The following ST6GAL2 variants were observed in gnomAD, a reference collection of about 807,000 sequenced individuals.
ST6GAL2 encodes ST6 beta-galactoside alpha-2,6-sialyltransferase 2.
ST6GAL2 carries 24 observed loss-of-function variants against 37.5 expected under a neutral mutation model. That is an observed-to-expected ratio of 0.64 (90% CI 0.46 to 0.90). The LOEUF (loss-of-function observed/expected upper bound fraction) is 0.90, where lower values mean the gene tolerates loss of function less well. Ranked by LOEUF, ST6GAL2 falls within the 40% of genes least tolerant of loss-of-function variation. The probability of loss-of-function intolerance (pLI) is 0.00; values close to 1 mark genes in which losing one functional copy is unlikely to be tolerated. For synonymous variants in ST6GAL2, 306 were observed against 295.1 expected (o/e 1.04, Z -0.38); for missense variants, 715 against 712.7 (o/e 1.00, Z -0.04).
At chr2:106,844,258 C>T (rs1289672685) in intron 1 of ST6GAL2, among the ~76,000 whole-genome samples, 1 of 151,880 alleles carries the variant, frequency 6.6e-6, no homozygotes, top group Non-Finnish European at 1.5e-5. Flanking sequence ...GGGATCTCAC[C>T]ATCTCAGGTG....
At chr2:106,846,089 G>A (rs1221271666) in intron 1 of ST6GAL2, among the ~76,000 whole-genome samples, 9 of 152,046 alleles carry the variant, frequency 5.9e-5, no homozygotes, top group South Asian at 4.1e-4. Flanking sequence ...TGTGAAGCGC[G>A]AAGAAGTCAT....
chr2:106,813,048 A>C (rs932907482), intron 5 of ST6GAL2: 2 of 1,229,412 alleles, frequency 1.6e-6, no homozygotes, highest in African/African-American at 3.1e-5. Flanking sequence ...AAGCCAATCA[A>C]ATGGGTATGG....
At chr2:106,879,103 T>C (rs894054867) in intron 1 of ST6GAL2, among the ~76,000 whole-genome samples, 6 of 152,164 alleles carry the variant, frequency 3.9e-5, no homozygotes, top group Non-Finnish European at 8.8e-5. Flanking sequence ...AGTCTAAAGC[T>C]TTCCTTTCAC....
At chr2:106,861,427 G>C (rs911530484) in intron 1 of ST6GAL2, among the ~76,000 whole-genome samples, 1 of 152,062 alleles carries the variant, frequency 6.6e-6, no homozygotes, top group African/African-American at 2.4e-5. Context: ...TTGTGTGTCT[G>C]TGTGTGTGGA....
At chr2:106,840,035 G>A (rs73949780) in intron 2 of ST6GAL2, among the ~76,000 whole-genome samples, 1 of 152,188 alleles carries the variant, frequency 6.6e-6, no homozygotes, top group African/African-American at 2.4e-5. Context: ...CAAACACCAG[G>A]GGGAGCGAAA....
rs1309383669 is a variant in ST6GAL2, at chr2:106,807,480, G to A, written c.1319-531C>T. 7.9e-5 allele frequency among the ~76,000 whole-genome samples: 12 copies of A among 152,288 alleles called. No homozygotes were observed. The East Asian group carries it at 2.3e-3, about 29-fold the overall frequency. On this transcript the variant is annotated intron_variant, in intron 5 of 5. Transcript: ENST00000409382. ...ATCAGCTCTTATACTATAGTTGTCT[G>A]AATGGAAAGAAATGGAGTTAAAGCG...
At chr2:106,858,114 G>A (rs879342749) in intron 1 of ST6GAL2, among the ~76,000 whole-genome samples, 6 of 152,152 alleles carry the variant, frequency 3.9e-5, no homozygotes, top group Admixed American at 3.3e-4. Context: ...TTGTATATGT[G>A]TGCATGTGTA....
intron 4 of ST6GAL2, among the ~76,000 whole-genome samples, 174 bp from the exon 5 acceptor site, chr2:106,830,414 AAGAC>A (rs1676374605): frequency 6.6e-6 from 1 of 152,192 alleles, no homozygotes; most frequent in Non-Finnish European, 1.5e-5. Context: ...GACAAGAACA[AAGAC>A]AGACCAGGGC....
intron 1 of ST6GAL2, among the ~76,000 whole-genome samples, chr2:106,862,551 C>T (rs1260828430): frequency 6.6e-6 from 1 of 152,026 alleles, no homozygotes; most frequent in Non-Finnish European, 1.5e-5. Context: ...TAAAAATGTT[C>T]TGGCTCTCTC....
intron 1 of ST6GAL2, among the ~76,000 whole-genome samples, chr2:106,849,870 G>A (rs1049512090): frequency 3.9e-5 from 6 of 152,068 alleles, no homozygotes; most frequent in African/African-American, 1.4e-4. Context: ...TTATAAACCC[G>A]CATTTCAAAA....
At chr2:106,834,773 A>G (rs1432646207) in intron 2 of ST6GAL2, 1 of 152,324 alleles carries the variant, frequency 6.6e-6, no homozygotes, top group African/African-American at 2.4e-5. Context: ...CTGCCAGACC[A>G]CCATAGCCCC....
Position 106,843,879 on chromosome 2 carries a change from G to C in ST6GAL2, c.99C>G (p.Ser33Arg), listed in dbSNP as rs146572697. ...FLLIFIYFTD[S>R]NPAEPVPSSL... The stretch of plus-strand genomic sequence containing the variant: ...AGCTGGGTACAGGCTCAGCGGGGTT[G>C]CTGTCGGTGAAGTAGATGAAAATCA... Residue 33 changes from serine (S) to arginine (R), a missense_variant, in exon 2 of 6, where the codon AGC becomes AGG. Physicochemically the swap from Ser to Arg is moderately radical, Grantham distance 110. Around this residue, in one of 3 missense-constraint regions of ST6GAL2, gnomAD observed 512 missense variants for 488.8 expected, o/e 1.05. Coordinates refer to ENST00000409382, the MANE Select transcript of ST6GAL2 (RefSeq NM_001142351.2). 1.8e-5 allele frequency: 29 copies of C among 1,608,920 alleles called. No individual in the cohort carries two copies. The highest frequency in any genetic ancestry group is 2.4e-5 in the Non-Finnish European group (28 of 1,179,540).
intron 2 of ST6GAL2, chr2:106,834,552 T>G (rs1676555439): frequency 6.4e-6 from 1 of 155,080 alleles, no homozygotes; most frequent in South Asian, 2.0e-4. Context: ...TGGTGTATGC[T>G]TAAAAAGAAA....
rs185648095 is a variant in ST6GAL2 at position 106,829,735 on chromosome 2, T to C, written c.1318+331A>G. 4.9e-4 allele frequency among the ~76,000 whole-genome samples: 74 copies of C among 152,234 alleles called. 2 individuals are homozygous for C. The highest frequency in any genetic ancestry group is 1.6e-3 in the African/African-American group (68 of 41,562). ...CCTTCCCTCCAAAGCCACCTGTTAATGGCTCTTACTATACAGGTGGAACAT... is the reference window on the plus strand; with the variant it reads ...CCTTCCCTCCAAAGCCACCTGTTAACGGCTCTTACTATACAGGTGGAACAT... On this transcript the variant is annotated intron_variant, in intron 5 of 5. Coordinates refer to ENST00000409382, the MANE Select transcript of ST6GAL2 (RefSeq NM_001142351.2).
In ST6GAL2 at chr2:106,843,154, C is replaced by T; in HGVS notation, c.824G>A (p.Gly275Asp). The T allele has an allele frequency of 6.4e-7, 1 of 1,563,122 alleles. No homozygotes were observed. The highest frequency in any genetic ancestry group is 1.2e-5 in the South Asian group (1 of 85,606). ...CACGGCGGGCACCAGGCGCCGCCAGCCCAGCGCAGAAAAGGGCGCCTCGGT... is the reference window on the plus strand; with the variant it reads ...CACGGCGGGCACCAGGCGCCGCCAGTCCAGCGCAGAAAAGGGCGCCTCGGT... ...DGTEAPFSAL[G>D]WRRLVPAVPL... Residue 275 changes from glycine to aspartate, a missense_variant, in exon 2 of 6, where the codon GGC becomes GAC. Physicochemically the swap from Gly to Asp is moderately conservative, Grantham distance 94 (BLOSUM62 -1). Transcript: ENST00000409382.
Position 106,806,700 on chromosome 2 carries a change from C to T in ST6GAL2, c.1568G>A (p.Ser523Asn), listed in dbSNP as rs1392084083. 2 of 1,614,098 alleles carry T rather than the reference C, an allele frequency of 1.2e-6. No homozygotes were observed. The highest frequency in any genetic ancestry group is 2.7e-5 in the African/African-American group (2 of 75,042). ...TTTTTAAGAGTGTGGAATGACTGGACTTGGTGCAGGGCAGTGCACCGCCTG... is the reference window on the plus strand; with the variant it reads ...TTTTTAAGAGTGTGGAATGACTGGATTTGGTGCAGGGCAGTGCACCGCCTG... ...GFQAVHCPAP[S>N]PVIPHS Residue 523 changes from serine (S) to asparagine (N), a missense_variant, in exon 6 of 6, where the codon AGT becomes AAT. Around this residue, in one of 3 missense-constraint regions of ST6GAL2, gnomAD observed 198 missense variants for 203.6 expected, o/e 0.97. Transcript: ENST00000409382.
Position 106,843,246 on chromosome 2 carries a change from G to C in ST6GAL2, c.732C>G (p.Ala244=). 6.3e-7 allele frequency: 1 copy of C among 1,589,268 alleles called. No homozygotes were observed. Among genetic ancestry groups the C allele is most frequent in the African/African-American group, 1.3e-5 (1 of 74,668 alleles). The change falls in exon 2 of 6, where the codon GCC becomes GCG. Residue 244 remains alanine (A), a synonymous_variant. Coordinates refer to ENST00000409382, the MANE Select transcript of ST6GAL2 (RefSeq NM_001142351.2). ...ACAGCAGCTGTGCCCTGCTCAGCCC[G>C]GCCTCCCGCTTCCCGCGGAAGCGCA... is the stretch of plus-strand genomic sequence containing the variant. ...HGVRFRGKRE[A]GLSRAQLLCQ...
chr2:106,871,662 A>G (rs1412659691), intron 1 of ST6GAL2, among the ~76,000 whole-genome samples: 2 of 152,158 alleles, frequency 1.3e-5, no homozygotes, highest in African/African-American at 4.8e-5. Context: ...CAAACCCACA[A>G]ATTAGCCTAG....
intron 2 of ST6GAL2, among the ~76,000 whole-genome samples, chr2:106,838,307 C>T (rs1676730294): frequency 6.6e-6 from 1 of 152,152 alleles, no homozygotes; most frequent in African/African-American, 2.4e-5. Flanking sequence ...GGCCAGCACC[C>T]GGTCACCGCC....
Sources: gnomAD v4.1 joint callset for allele counts (sites outside exome capture counted in the v4.1 genomes callset) on GRCh38, gnomAD v4.1.1 for gene constraint, gnomAD v4.1.1 regional missense constraint, MANE v1.5 for transcripts, NCBI Gene and HGNC (gene_info 2026-07-23, HGNC 2026-07-21) for gene names.